The following DMD variants were observed in gnomAD, a reference collection of about 807,000 sequenced individuals.
DMD encodes mutant dystrophin.
DMD carries 63 observed loss-of-function variants against 330.1 expected under a neutral mutation model. That is an observed-to-expected ratio of 0.19 (90% CI 0.16 to 0.24). DMD has a LOEUF of 0.24. DMD is among the 10% of genes least tolerant of loss of function. The pLI is 1.00. For synonymous variants in DMD, 1,223 were observed against 959.8 expected (o/e 1.27, Z -5.07); for missense variants, 3,344 against 2,684.1 (o/e 1.25, Z -5.43).
intron 2 of DMD, among the ~76,000 whole-genome samples, chrX:32,850,192 G>A (rs2081025693): frequency 9.0e-6 from 1 of 111,293 alleles, no homozygotes; most frequent in African/African-American, 3.3e-5. Context: ...AATCTACCTG[G>A]GTGGGTACAT....
At chrX:32,501,560 C>T (rs2044056341) in intron 19 of DMD, among the ~76,000 whole-genome samples, 195 bp downstream of exon 19, 1 of 111,213 alleles carries the variant, frequency 9.0e-6, no homozygotes, top group Non-Finnish European at 1.9e-5. Context: ...CCATTTTCTT[C>T]CAATGAACTC....
intron 48 of DMD, among the ~76,000 whole-genome samples, chrX:31,851,660 G>A (rs369741029): frequency 1.8e-5 from 2 of 112,173 alleles, no homozygotes; most frequent in East Asian, 5.6e-4. Context: ...ATGTAACAGC[G>A]AATAAAACAG....
intron 2 of DMD, among the ~76,000 whole-genome samples, chrX:32,930,365 T>C (rs1281389267): frequency 9.1e-6 from 1 of 110,275 alleles, no homozygotes; most frequent in African/African-American, 3.3e-5. Context: ...ACCAAAAAAG[T>C]AATAAAAATA....
At chrX:31,326,959 A>C (rs1405466359) in intron 61 of DMD, among the ~76,000 whole-genome samples, 2 of 112,246 alleles carry the variant, frequency 1.8e-5, no homozygotes, top group African/African-American at 3.2e-5. Flanking sequence ...TAGCCTACGT[A>C]ATAGACACAC....
rs780623307 is a variant in DMD, at chrX:32,809,455, C to A, written c.649+38G>T. On this transcript the variant is annotated intron_variant, in intron 7 of 78. Coordinates refer to ENST00000357033, the MANE Select transcript of DMD (RefSeq NM_004006.3). ...TCTCAGATGAAAACATTAAACTCTA[C>A]CATACTAAAAGCAGTGGTAGTCCAG... 3 of 1,074,446 alleles carry A rather than the reference C, an allele frequency of 2.8e-6. No individual in the cohort carries two copies. In the East Asian group the frequency reaches 9.1e-5, roughly 33 times the overall value. The allele number at this position is 1,074,446 out of a possible 1,213,427, so 88.5% of individuals were successfully genotyped here.
In DMD at chrX:32,766,389, T is replaced by G. The variant is rs746460136; in HGVS notation, c.649+43104A>C. On this transcript the variant is annotated intron_variant, in intron 7 of 78. Coordinates refer to ENST00000357033, the MANE Select transcript of DMD (RefSeq NM_004006.3). ...TGTTTAATTTCTTTCAGGATTGTTT[T>G]GTAGTTGTCAGTGTATAAGTCTTCC... 3.6e-5 allele frequency among the ~76,000 whole-genome samples: 4 copies of G among 111,724 alleles called. No homozygotes were observed. In the South Asian group the frequency reaches 1.5e-3, roughly 42 times the overall value.
At chrX:32,484,017 A>C (rs2042184749) in intron 21 of DMD, among the ~76,000 whole-genome samples, 1 of 110,810 alleles carries the variant, frequency 9.0e-6, no homozygotes, top group Non-Finnish European at 1.9e-5. Flanking sequence ...AACTAATTTA[A>C]GTTTTAGTAG....
At chrX:32,524,564 C>T (rs1040798070) in intron 17 of DMD, among the ~76,000 whole-genome samples, 2 of 112,365 alleles carry the variant, frequency 1.8e-5, no homozygotes, top group African/African-American at 6.5e-5. Context: ...AAATCAGCTT[C>T]TAGCCTAGAG....
intron 12 of DMD, among the ~76,000 whole-genome samples, chrX:32,600,645 C>G (rs1228793007): frequency 9.3e-6 from 1 of 107,888 alleles, no homozygotes; most frequent in East Asian, 2.9e-4. Flanking sequence ...CTAGAAACAA[C>G]ACAGAACGCT....
chrX:32,697,207 A>G (rs1189947497), intron 9 of DMD, among the ~76,000 whole-genome samples: 9 of 111,787 alleles, frequency 8.1e-5, no homozygotes, highest in African/African-American at 2.9e-4. Context: ...TATTTCTTGT[A>G]TATTGGGTTC....
chrX:32,400,822 C>T (rs1390324458), intron 30 of DMD, among the ~76,000 whole-genome samples: 1 of 107,879 alleles, frequency 9.3e-6, no homozygotes, highest in Non-Finnish European at 1.9e-5. Flanking sequence ...CCAGCCATCC[C>T]ATTACTGGGT....
chrX:31,434,416 GCGCACACACACACACACACACACA>G (rs1326603513), intron 60 of DMD, among the ~76,000 whole-genome samples: 6 of 66,383 alleles, frequency 9.0e-5, no homozygotes, highest in Non-Finnish European at 1.5e-4. Context: ...TGCAGCGCGC[GCGCACACACACACACACACACACA>G]CACACACACA....
intron 63 of DMD, among the ~76,000 whole-genome samples, chrX:31,255,029 A>G (rs1483880869): frequency 3.9e-5 from 4 of 101,296 alleles, no homozygotes; most frequent in Non-Finnish European, 6.0e-5. Context: ...TATGTGACAG[A>G]GCAAGATGCT....
At chrX:32,242,741 A>T (rs959232542) in intron 43 of DMD, among the ~76,000 whole-genome samples, 2 of 110,877 alleles carry the variant, frequency 1.8e-5, no homozygotes, top group Non-Finnish European at 3.8e-5. Context: ...TGAGGGTTGG[A>T]TTCTCTTATC....
chrX:31,949,101 G>A (rs1383397008), intron 45 of DMD, among the ~76,000 whole-genome samples: 1 of 110,721 alleles, frequency 9.0e-6, no homozygotes, highest in Non-Finnish European at 1.9e-5. Flanking sequence ...AATTGTTTTG[G>A]CTATTTGGTA....
chrX:31,707,955 A>G (rs2084326291), intron 52 of DMD, among the ~76,000 whole-genome samples: 1 of 112,237 alleles, frequency 8.9e-6, no homozygotes, highest in Non-Finnish European at 1.9e-5. Context: ...AAGGTAATAA[A>G]TAAATCATAT....
chrX:33,092,084 G>A (rs1411430099), intron 1 of DMD, among the ~76,000 whole-genome samples: 5 of 111,061 alleles, frequency 4.5e-5, no homozygotes, highest in Non-Finnish European at 9.4e-5. Context: ...TATAGTGTCC[G>A]ATCCATTCTG....
rs181455276 is a variant in DMD, at chrX:32,653,051, G to A, written c.961-7899C>T. ...TTGTTTGACTTCTTTGTAGATTCTG[G>A]ATATTAGCCCTTTGCCAGATGATTA... On this transcript the variant is annotated intron_variant, in intron 9 of 78. Coordinates refer to ENST00000357033, the MANE Select transcript of DMD (RefSeq NM_004006.3). Among the ~76,000 whole-genome samples, 7 of 111,311 alleles carry A rather than the reference G, an allele frequency of 6.3e-5. No homozygotes were observed. The East Asian group carries it at 2.0e-3, about 32-fold the overall frequency.
rs10622779 is a variant in DMD at position 32,386,729 on chromosome X, G to GAT, written c.4519-266_4519-265dup. ...AGTTAATCATATATATGTGTTTTGT[G>GAT]ATATATATATATTTAGTTCTTCAAT... On this transcript the variant is annotated intron_variant, in intron 32 of 78. Coordinates refer to ENST00000357033, the MANE Select transcript of DMD (RefSeq NM_004006.3). Among the ~76,000 whole-genome samples the GAT allele has an allele frequency of 0.48, 51,221 of 107,178 alleles. 9,398 individuals are homozygous for GAT. Among genetic ancestry groups the GAT allele is most frequent in the East Asian group, 0.77 (2,637 of 3,407 alleles). The allele number at this position is 107,178 out of a possible 115,157, so 93.1% of individuals were successfully genotyped here.
Sources: gnomAD v4.1 joint callset for allele counts (sites outside exome capture counted in the v4.1 genomes callset) on GRCh38, gnomAD v4.1.1 for gene constraint, MANE v1.5 for transcripts, NCBI Gene and HGNC (gene_info 2026-07-23, HGNC 2026-07-21) for gene names.